ANO4: variants seen among roughly 807,000 people sequenced by gnomAD.
ANO4 encodes the protein anoctamin 4, also known as anoctamin-4.
A neutral mutation model predicts 141.9 loss-of-function variants in ANO4; 69 were observed. The observed-to-expected ratio is 0.49, with a 90% CI of 0.40 to 0.59. The LOEUF (loss-of-function observed/expected upper bound fraction) is 0.59. Among genes scored for constraint, ANO4 ranks in the 20% least tolerant of loss-of-function variants. ANO4 has a pLI of 0.00. For missense variants in ANO4, 894 were observed against 1,162.2 expected, an observed-to-expected ratio of 0.77 and a Z score of 3.36; for synonymous variants, 350 against 394.3, an observed-to-expected ratio of 0.89 and a Z score of 1.33.
Position 100,998,980 on chromosome 12 carries a change from G to A in ANO4, c.734+11310G>A, listed in dbSNP as rs865821403. Among the ~76,000 whole-genome samples, 6 of 152,176 alleles carry A rather than the reference G, an allele frequency of 3.9e-5. No homozygotes were observed. The South Asian group carries it at 6.2e-4, about 16-fold the overall frequency. On this transcript the variant is annotated intron_variant, in intron 8 of 27. Coordinates refer to ENST00000392977, the MANE Select transcript of ANO4 (RefSeq NM_001286615.2). ...CCATTTTTACAGAGGAGGAACCTGG[G>A]GCACAGAAGGGTTAAGTAACTTATC...
intron 23 of ANO4, among the ~76,000 whole-genome samples, chr12:101,110,990 C>G (rs913106136): frequency 2.6e-5 from 4 of 152,220 alleles, no homozygotes; most frequent in Admixed American, 6.6e-5. Context: ...TAAGTTGAAT[C>G]AGATGCAGCT....
intron 4 of ANO4, among the ~76,000 whole-genome samples, chr12:100,939,909 T>G (rs906539138): frequency 2.6e-5 from 4 of 152,230 alleles, no homozygotes; most frequent in Non-Finnish European, 5.9e-5. Context: ...CCTATCTATT[T>G]GTGTGCCATT....
At chr12:100,785,105 G>A (rs969549641) in intron 3 of ANO4, among the ~76,000 whole-genome samples, 3 of 151,994 alleles carry the variant, frequency 2.0e-5, no homozygotes, top group Non-Finnish European at 4.4e-5. Flanking sequence ...TATTTTCTAG[G>A]TTTACAGCAT....
intron 8 of ANO4, among the ~76,000 whole-genome samples, chr12:101,009,464 G>A (rs2045993267): frequency 6.6e-6 from 1 of 152,132 alleles, no homozygotes; most frequent in Non-Finnish European, 1.5e-5. Context: ...CACTCATTAT[G>A]ATAGTTGGGC....
chr12:101,079,486 A>G (rs1404240782), intron 15 of ANO4, among the ~76,000 whole-genome samples: 6 of 152,182 alleles, frequency 3.9e-5, no homozygotes, highest in African/African-American at 1.4e-4. Context: ...AAATCCCTTG[A>G]TTAAGTGGAG....
chr12:100,950,366 G>A (rs1053323614), intron 5 of ANO4, among the ~76,000 whole-genome samples: 6 of 152,210 alleles, frequency 3.9e-5, no homozygotes, highest in African/African-American at 1.4e-4. Context: ...ATTTAGGACA[G>A]TCATAACCAA....
At chr12:100,782,401 C>A (rs929911546) in intron 3 of ANO4, among the ~76,000 whole-genome samples, 1 of 152,184 alleles carries the variant, frequency 6.6e-6, no homozygotes, top group African/African-American at 2.4e-5. Context: ...TGGTTAAAAA[C>A]CATGGATTCC....
intron 2 of ANO4, among the ~76,000 whole-genome samples, chr12:100,739,199 A>G (rs1374023340): frequency 6.6e-6 from 1 of 151,098 alleles, no homozygotes; most frequent in African/African-American, 2.4e-5. Flanking sequence ...AAGTGAGATC[A>G]TAAACTTATT....
intron 9 of ANO4, among the ~76,000 whole-genome samples, chr12:101,030,851 C>G (rs2046944999): frequency 6.6e-6 from 1 of 152,158 alleles, no homozygotes; most frequent in Non-Finnish European, 1.5e-5. Context: ...TGGATAAATT[C>G]CTGGACGCAG....
chr12:101,039,362 G>T (rs554263301), intron 10 of ANO4, among the ~76,000 whole-genome samples: 58 of 152,228 alleles, frequency 3.8e-4, no homozygotes, highest in Non-Finnish European at 5.4e-4. Context: ...AAAGTTAGCC[G>T]TGCATGGTGG....
At chr12:101,048,761 G>A (rs941500503) in intron 14 of ANO4, among the ~76,000 whole-genome samples, 1 of 152,162 alleles carries the variant, frequency 6.6e-6, no homozygotes. Flanking sequence ...GCTAATGTGT[G>A]AGTACCCACC....
intron 1 of ANO4, among the ~76,000 whole-genome samples, chr12:100,823,219 G>A (rs1451247051): frequency 2.6e-5 from 4 of 151,972 alleles, no homozygotes; most frequent in Non-Finnish European, 5.9e-5. Context: ...GGAAATGGAA[G>A]CCAAATGACT....
intron 1 of ANO4, among the ~76,000 whole-genome samples, chr12:100,853,729 A>G (rs1456780218): frequency 6.6e-6 from 1 of 152,158 alleles, no homozygotes; most frequent in East Asian, 1.9e-4. Flanking sequence ...TGACTGAAGT[A>G]TGCATAAATG....
In ANO4 at chr12:101,059,448, C is replaced by T. The variant is rs138141667; in HGVS notation, c.1312+11047C>T. Among the ~76,000 whole-genome samples, 1,197 of 152,332 alleles carry T rather than the reference C, an allele frequency of 7.9e-3. 16 individuals carry two copies. Among genetic ancestry groups the T allele is most frequent in the African/African-American group, 0.027 (1,139 of 41,570 alleles). On this transcript the variant is annotated intron_variant, in intron 14 of 27. Coordinates refer to ENST00000392977, the MANE Select transcript of ANO4 (RefSeq NM_001286615.2). ...TTCAGAAGGAATGGTACCATCTCCT[C>T]TTTTTACCTGTGGTAGAATTCAGCT... is the stretch of plus-strand genomic sequence containing the variant.
chr12:100,745,368 T>C (rs903861866), intron 3 of ANO4, among the ~76,000 whole-genome samples: 6 of 152,274 alleles, frequency 3.9e-5, no homozygotes, highest in African/African-American at 1.4e-4. Flanking sequence ...GCAATTCTTA[T>C]GCACAGATTT....
chr12:101,027,182 C>G (rs1393140075), intron 9 of ANO4, among the ~76,000 whole-genome samples: 2 of 152,200 alleles, frequency 1.3e-5, no homozygotes, highest in African/African-American at 4.8e-5. Context: ...GAGTGTGGTA[C>G]CCAGCGTGGG....
At chr12:100,875,571 A>G (rs561291556) in intron 1 of ANO4, among the ~76,000 whole-genome samples, 1 of 152,308 alleles carries the variant, frequency 6.6e-6, no homozygotes, top group East Asian at 1.9e-4. Context: ...AATTTTCACA[A>G]CAGCCTCATT....
chr12:100,976,334 G>T (rs748942661), intron 7 of ANO4, among the ~76,000 whole-genome samples: 1 of 152,176 alleles, frequency 6.6e-6, no homozygotes, highest in Non-Finnish European at 1.5e-5. Context: ...TACAGTGTGA[G>T]AACTGACCTC....
chr12:100,816,842 T>G (rs1287998472), intron 1 of ANO4, among the ~76,000 whole-genome samples: 1 of 151,972 alleles, frequency 6.6e-6, no homozygotes, highest in Non-Finnish European at 1.5e-5. Flanking sequence ...TTCTAAACTT[T>G]TCAATTGTAA....
Sources: allele counts gnomAD v4.1 joint callset (sites outside exome capture counted in the v4.1 genomes callset), GRCh38; gene constraint gnomAD v4.1.1; transcripts MANE v1.5; gene names NCBI Gene and HGNC (gene_info 2026-07-23, HGNC 2026-07-21).